Variants in CALM3 observed in about 807,000 individuals in gnomAD.
CALM3 encodes calmodulin-3.
A neutral mutation model predicts 20.1 loss-of-function variants in CALM3; 5 were observed. The observed-to-expected ratio is 0.25, with a 90% confidence interval of 0.13 to 0.52. The LOEUF is 0.52. Ranked by LOEUF, CALM3 falls within the 20% of genes least tolerant of loss-of-function variation. The pLI, the probability that CALM3 is intolerant of heterozygous loss-of-function variation, is 0.96. For synonymous variants in CALM3, 69 were observed against 68.1 expected (o/e 1.01, Z -0.06); for missense variants, 57 against 192.8 (o/e 0.30, Z 4.17).
chr19:46,601,477 A>AG lies in CALM3; in HGVS notation c.3+42dup. 1 of 1,454,734 alleles carries AG rather than the reference A, an allele frequency of 6.9e-7. No individual in the cohort carries two copies. Among genetic ancestry groups the AG allele is most frequent in the Non-Finnish European group, 9.1e-7 (1 of 1,099,796 alleles). The allele number at this position is 1,454,734 out of a possible 1,614,324, so 90.1% of individuals were successfully genotyped here. On this transcript the variant is annotated intron_variant, in intron 1 of 5. Transcript: ENST00000291295. The surrounding 1 kb of genome is among the most constrained non-coding windows in gnomAD (Gnocchi z 4.2). ...GGGGTCGCCGAGGCTGCGGGCTCTG[A>AG]GGCGGGCTTAACGGGGCAGGACCCC...
chr19:46,608,662 G>T lies in CALM3; in HGVS notation c.285+74G>T. 7.3e-7 allele frequency: 1 copy of T among 1,370,494 alleles called. No homozygotes were observed. Among genetic ancestry groups the T allele is most frequent in the Non-Finnish European group, 1.0e-6 (1 of 972,014 alleles). 84.9% of individuals were successfully genotyped at this position (1,370,494 alleles called of 1,614,324 possible). A position where few individuals can be genotyped will look rare whatever the true frequency, so the allele number is the denominator to read the frequency against. On this transcript the variant is annotated intron_variant, in intron 4 of 5. Coordinates refer to ENST00000291295, the MANE Select transcript of CALM3 (RefSeq NM_005184.4). This position sits in a 1 kb window ranked among gnomAD's most constrained non-coding sequence, Gnocchi z 5.5. ...GGCAGACAGGCGGAACTGGAGCCAC[G>T]GAGCTACCACTTCCAGGAGGTCCGG...
chr19:46,601,409 G>C lies in CALM3; in HGVS notation c.-26G>C. On this transcript the variant is annotated 5_prime_UTR_variant, in exon 1 of 6. Transcript: ENST00000291295. This position sits in a 1 kb window ranked among gnomAD's most constrained non-coding sequence, Gnocchi z 4.2. ...CGCCGCCGGAGGAACCTTGATCCCC[G>C]TGCTCCGGACACCCCGGGCCTCGCC... The C allele has an allele frequency of 1.4e-6, 2 of 1,479,652 alleles. No individual in the cohort carries two copies. The highest frequency in any genetic ancestry group is 1.8e-6 in the Non-Finnish European group (2 of 1,113,678). The allele number at this position is 1,479,652 out of a possible 1,614,324, so 91.7% of individuals were successfully genotyped here. A position where few individuals can be genotyped will look rare whatever the true frequency, so the allele number is the denominator to read the frequency against.
At position 46,608,445 on chromosome 19, in the gene CALM3, G is replaced by A. The variant is rs376024469; in HGVS notation, c.179-37G>A. The A allele has an allele frequency of 6.2e-7, 1 of 1,610,700 alleles. No individual in the cohort carries two copies. Among genetic ancestry groups the A allele is most frequent in the Non-Finnish European group, 8.5e-7 (1 of 1,176,884 alleles). ...ATGAGCCCGTGTCTCTCAGGGCCCA[G>A]GCCAAGAGCATTCTCCATCCTTTCC... On this transcript the variant is annotated intron_variant, in intron 3 of 5. Transcript: ENST00000291295. The surrounding 1 kb of genome is among the most constrained non-coding windows in gnomAD (Gnocchi z 5.5).
At position 46,601,406 on chromosome 19, in the gene CALM3, C is replaced by T. The variant is rs771975198; in HGVS notation, c.-29C>T. On this transcript the variant is annotated 5_prime_UTR_variant, in exon 1 of 6. Transcript: ENST00000291295. The surrounding 1 kb of genome is among the most constrained non-coding windows in gnomAD (Gnocchi z 4.2). Reference sequence around the variant, plus strand: ...TGCCGCCGCCGGAGGAACCTTGATCCCCGTGCTCCGGACACCCCGGGCCTC... The same window carrying T: ...TGCCGCCGCCGGAGGAACCTTGATCTCCGTGCTCCGGACACCCCGGGCCTC... 693 of 1,507,542 alleles carry T rather than the reference C, an allele frequency of 4.6e-4. No homozygotes were observed. The highest frequency in any genetic ancestry group is 6.2e-4 in the Middle Eastern group (3 of 4,812). The allele number at this position is 1,507,542 out of a possible 1,614,324, so 93.4% of individuals were successfully genotyped here.
Position 46,601,375 on chromosome 19 carries a change from AGCTGCT to A in CALM3, c.-57_-52del. 6.7e-7 allele frequency: 1 copy of A among 1,493,480 alleles called. No homozygotes were observed. The highest frequency in any genetic ancestry group is 8.9e-7 in the Non-Finnish European group (1 of 1,123,852). The allele number at this position is 1,493,480 out of a possible 1,614,324, so 92.5% of individuals were successfully genotyped here. A position where few individuals can be genotyped will look rare whatever the true frequency, so the allele number is the denominator to read the frequency against. ...CGCGCGGCGGAGCTGGAACTGCTGC[AGCTGCT>A]GCCGCCGCCGGAGGAACCTTGATCC... On this transcript the variant is annotated 5_prime_UTR_variant, in exon 1 of 6. Coordinates refer to ENST00000291295, the MANE Select transcript of CALM3 (RefSeq NM_005184.4). This position sits in a 1 kb window ranked among gnomAD's most constrained non-coding sequence, Gnocchi z 4.2.
chr19:46,602,345 G>A (rs1971643501), intron 1 of CALM3: 1 of 502,094 alleles, frequency 2.0e-6, no homozygotes, highest in Admixed American at 3.4e-5. Flanking sequence ...TAACGGGGTG[G>A]GAGTGTTGTG....
At chr19:46,607,707 A>G (rs1971772546) in intron 2 of CALM3, among the ~76,000 whole-genome samples, 1 of 152,226 alleles carries the variant, frequency 6.6e-6, no homozygotes. Context: ...TGCCAGTCAG[A>G]AGGGAGTGGA....
In CALM3 at chr19:46,605,271, G is replaced by A. The variant is rs1165779170; in HGVS notation, c.4-556G>A. On this transcript the variant is annotated intron_variant, in intron 1 of 5. Coordinates refer to ENST00000291295, the MANE Select transcript of CALM3 (RefSeq NM_005184.4). The surrounding 1 kb of genome is among the most constrained non-coding windows in gnomAD (Gnocchi z 4.1). ...CGGTTAGGAGAATTTTTGCCACTTG[G>A]GTGGACTCTGCCTGAGCCAACCGCC... 1 of 152,818 alleles carries A rather than the reference G, an allele frequency of 6.5e-6. No individual in the cohort carries two copies. Among genetic ancestry groups the A allele is most frequent in the African/African-American group, 2.4e-5 (1 of 41,434 alleles). The allele number at this position is 152,818 out of a possible 1,614,324, so 9.5% of individuals were successfully genotyped here.
chr19:46,602,986 G>GGGCC (rs1259717896), intron 1 of CALM3, among the ~76,000 whole-genome samples: 1 of 152,230 alleles, frequency 6.6e-6, no homozygotes, highest in Non-Finnish European at 1.5e-5. Context: ...ATCGGCCTGA[G>GGGCC]GGCCACTTGT....
chr19:46,603,818 C>T (rs947382227), intron 1 of CALM3, among the ~76,000 whole-genome samples: 11 of 152,214 alleles, frequency 7.2e-5, no homozygotes, highest in African/African-American at 2.4e-4. Context: ...AGAGCCACGC[C>T]TATTTGCAGC....
intron 2 of CALM3, among the ~76,000 whole-genome samples, chr19:46,607,782 G>GCCAA (rs1269122868): frequency 2.0e-5 from 3 of 152,236 alleles, no homozygotes; most frequent in Non-Finnish European, 4.4e-5. Flanking sequence ...GTCCCAGCCA[G>GCCAA]CCAACCCTGG....
rs1273476895 is a variant in CALM3, at chr19:46,609,456, CCCT to C, written c.*309_*311del. ...CCCAGATCCCCTTGGGGAGCCTCTG[CCCT>C]CCTCCAGCCCGGATGGCTCTCCTCC... On this transcript the variant is annotated 3_prime_UTR_variant, in exon 6 of 6. Coordinates refer to ENST00000291295, the MANE Select transcript of CALM3 (RefSeq NM_005184.4). 1 of 473,500 alleles carries C rather than the reference CCCT, an allele frequency of 2.1e-6. No individual in the cohort carries two copies. Among genetic ancestry groups the C allele is most frequent in the Non-Finnish European group, 3.8e-6 (1 of 265,880 alleles). 29.3% of individuals were successfully genotyped at this position (473,500 alleles called of 1,614,324 possible).
rs1184862706 is a variant in CALM3 at position 46,601,418 on chromosome 19, A to C, written c.-17A>C. The C allele has an allele frequency of 1.3e-5, 19 of 1,505,066 alleles. No individual in the cohort carries two copies. 93.2% of individuals were successfully genotyped at this position (1,505,066 alleles called of 1,614,324 possible). A position where few individuals can be genotyped will look rare whatever the true frequency, so the allele number is the denominator to read the frequency against. On this transcript the variant is annotated 5_prime_UTR_variant, in exon 1 of 6. Coordinates refer to ENST00000291295, the MANE Select transcript of CALM3 (RefSeq NM_005184.4). The surrounding 1 kb of genome is among the most constrained non-coding windows in gnomAD (Gnocchi z 4.2). ...AGGAACCTTGATCCCCGTGCTCCGG[A>C]CACCCCGGGCCTCGCCATGGTGAGT...
In CALM3 at chr19:46,608,388, G is replaced by A. The variant is rs3729759; in HGVS notation, c.178+48G>A. 1.1e-3 allele frequency: 1,725 copies of A among 1,612,224 alleles called. 15 individuals are homozygous for A. In the African/African-American group the frequency reaches 0.02, roughly 19 times the overall value. On this transcript the variant is annotated intron_variant, in intron 3 of 5. Coordinates refer to ENST00000291295, the MANE Select transcript of CALM3 (RefSeq NM_005184.4). The surrounding 1 kb of genome is among the most constrained non-coding windows in gnomAD (Gnocchi z 5.5). ...GCAGCCCTGCTCCTGGTCACCCCGA[G>A]TGACTGCAGGGAGCCTCTCTCAGGG...
Position 46,601,550 on chromosome 19 carries a change from A to C in CALM3, c.3+113A>C, listed in dbSNP as rs889267286. 3 of 1,050,414 alleles carry C rather than the reference A, an allele frequency of 2.9e-6. No individual in the cohort carries two copies. The highest frequency in any genetic ancestry group is 3.8e-6 in the Non-Finnish European group (3 of 792,470). 65.1% of individuals were successfully genotyped at this position (1,050,414 alleles called of 1,614,324 possible). On this transcript the variant is annotated intron_variant, in intron 1 of 5. Transcript: ENST00000291295. This position sits in a 1 kb window ranked among gnomAD's most constrained non-coding sequence, Gnocchi z 4.2. ...GTGGGGGGCGTCCGGGCCCGGCGAG[A>C]GCCTCGGGACCCTTTTCTACCCGCG... is the stretch of plus-strand genomic sequence containing the variant.
intron 2 of CALM3, among the ~76,000 whole-genome samples, chr19:46,607,069 C>T (rs1483632541): frequency 6.6e-6 from 1 of 152,190 alleles, no homozygotes; most frequent in Non-Finnish European, 1.5e-5. Context: ...TATGGAGACC[C>T]CTGAGGAAAG....
upstream of CALM3, chr19:46,601,277 T>G: frequency 7.5e-6 from 4 of 532,138 alleles, no homozygotes; most frequent in Non-Finnish European, 1.0e-5. This position sits in a 1 kb window ranked among gnomAD's most constrained non-coding sequence, Gnocchi z 4.2. Context: ...GCGGCGGCCG[T>G]TGAGGGACCG....
rs368593188 is a variant in CALM3 at position 46,608,428 on chromosome 19, G to T, written c.179-54G>T. The T allele has an allele frequency of 1.2e-6, 2 of 1,607,582 alleles. No individual in the cohort carries two copies. Among genetic ancestry groups the T allele is most frequent in the Admixed American group, 3.3e-5 (2 of 60,010 alleles). On this transcript the variant is annotated intron_variant, in intron 3 of 5. Coordinates refer to ENST00000291295, the MANE Select transcript of CALM3 (RefSeq NM_005184.4). This position sits in a 1 kb window ranked among gnomAD's most constrained non-coding sequence, Gnocchi z 5.5. Reference sequence around the variant, plus strand: ...CTCTCTCAGGGTGATGGATGAGCCCGTGTCTCTCAGGGCCCAGGCCAAGAG... The same window carrying T: ...CTCTCTCAGGGTGATGGATGAGCCCTTGTCTCTCAGGGCCCAGGCCAAGAG...
At chr19:46,607,584 A>T (rs10853780) in intron 2 of CALM3, among the ~76,000 whole-genome samples, 1 of 151,966 alleles carries the variant, frequency 6.6e-6, no homozygotes, top group Non-Finnish European at 1.5e-5. Flanking sequence ...TCCCCCCATC[A>T]ACCCCACGCA....
Sources: allele counts gnomAD v4.1 joint callset (sites outside exome capture counted in the v4.1 genomes callset), GRCh38; gene constraint gnomAD v4.1.1; non-coding constraint Gnocchi (gnomAD v3.1); transcripts MANE v1.5; gene names NCBI Gene and HGNC (gene_info 2026-07-23, HGNC 2026-07-21).